The following MTOR variants were observed in gnomAD, a reference collection of about 807,000 sequenced individuals.
MTOR encodes the protein mechanistic target of rapamycin kinase.
In MTOR, 70 loss-of-function variants were observed where a neutral mutation model predicts 319.8. That is an observed-to-expected ratio of 0.22 (90% CI 0.18 to 0.27). MTOR has a LOEUF of 0.27. MTOR is among the 10% of genes least tolerant of loss of function. MTOR has a pLI of 1.00. For synonymous variants in MTOR, 1,183 were observed against 1,211.4 expected, an observed-to-expected ratio of 0.98 and a Z score of 0.49; for missense variants, 1,890 against 3,274.4, an observed-to-expected ratio of 0.58 and a Z score of 10.32.
chr1:11,153,813 A>C (rs1196766871), intron 30 of MTOR, among the ~76,000 whole-genome samples: 2 of 152,092 alleles, frequency 1.3e-5, no homozygotes, highest in African/African-American at 4.8e-5. Flanking sequence ...TCACACCCGT[A>C]ATCCTAGACC....
chr1:11,136,626 G>A (rs1643430965), intron 36 of MTOR, among the ~76,000 whole-genome samples: 1 of 151,936 alleles, frequency 6.6e-6, no homozygotes, highest in African/African-American at 2.4e-5. Context: ...CAGCCTCCCA[G>A]TAGCTGAAAC....
intron 54 of MTOR, among the ~76,000 whole-genome samples, 162 bp downstream of exon 54, chr1:11,112,690 C>T (rs987858247): frequency 6.6e-6 from 1 of 151,972 alleles, no homozygotes; most frequent in Non-Finnish European, 1.5e-5. Context: ...CCACGGGATG[C>T]ACCCACTGAC....
chr1:11,112,016 G>A (rs959663562), intron 54 of MTOR, among the ~76,000 whole-genome samples: 2 of 152,100 alleles, frequency 1.3e-5, no homozygotes, highest in Non-Finnish European at 2.9e-5. Context: ...TCAATGCTGT[G>A]TGTGCTGGAA....
chr1:11,176,590 C>T lies in MTOR; in HGVS notation c.4254-9073G>A, dbSNP rs535081312. On this transcript the variant is annotated intron_variant, in intron 28 of 57. Transcript: ENST00000361445. Reference sequence around the variant, plus strand: ...GTGAGAATTCTCTGAATTCCCCTGGCGCCAGGCTGGTGACACATGCATCAC... The same window carrying T: ...GTGAGAATTCTCTGAATTCCCCTGGTGCCAGGCTGGTGACACATGCATCAC... Among the ~76,000 whole-genome samples the T allele has an allele frequency of 1.8e-4, 27 of 152,212 alleles. No individual in the cohort carries two copies. The South Asian group carries it at 3.7e-3, about 21-fold the overall frequency.
chr1:11,233,074 A>G, intron 15 of MTOR: 3 of 1,079,000 alleles, frequency 2.8e-6, no homozygotes, highest in Non-Finnish European at 4.2e-6. Context: ...ACCAGGTACA[A>G]CTCCAAAAAA....
chr1:11,139,501 C>A (rs373496379), intron 35 of MTOR, 32 bp downstream of exon 35: 3 of 1,614,148 alleles, frequency 1.9e-6, no homozygotes, highest in Admixed American at 1.7e-5. Context: ...TGGGGCCCTA[C>A]CTGCCCATGT....
At chr1:11,260,976 G>C (rs912612297) in intron 1 of MTOR, among the ~76,000 whole-genome samples, 8 of 151,566 alleles carry the variant, frequency 5.3e-5, no homozygotes, top group Non-Finnish European at 1.2e-4. Context: ...GTTTTTAGTA[G>C]AGATGGGGTT....
intron 28 of MTOR, among the ~76,000 whole-genome samples, chr1:11,191,069 C>A (rs144831541): frequency 1.3e-5 from 2 of 152,144 alleles, no homozygotes; most frequent in African/African-American, 4.8e-5. Flanking sequence ...TGAGATGAAA[C>A]CAGACATGCG....
At position 11,199,232 on chromosome 1, in the gene MTOR, G is replaced by A; in HGVS notation, c.4253+26C>T. 6.2e-7 allele frequency: 1 copy of A among 1,614,146 alleles called. No individual in the cohort carries two copies. The highest frequency in any genetic ancestry group is 8.5e-7 in the Non-Finnish European group (1 of 1,179,966). ...AGAGAGGTCATTTTGCATGAAGGCAGCAATTAAAAAGGGTTTATGGCCTAC... is the reference window on the plus strand; with the variant it reads ...AGAGAGGTCATTTTGCATGAAGGCAACAATTAAAAAGGGTTTATGGCCTAC... On this transcript the variant is annotated intron_variant, in intron 28 of 57. Transcript: ENST00000361445. The surrounding 1 kb of genome is among the most constrained non-coding windows in gnomAD (Gnocchi z 4.5).
chr1:11,240,135 A>T (rs1316033766), intron 11 of MTOR, among the ~76,000 whole-genome samples, 168 bp downstream of exon 11: 2 of 152,230 alleles, frequency 1.3e-5, no homozygotes, highest in Admixed American at 1.3e-4. Context: ...AAACAAAAGT[A>T]GGAATTACCA....
chr1:11,259,989 T>C (rs1470173313), intron 1 of MTOR, among the ~76,000 whole-genome samples: 1 of 152,228 alleles, frequency 6.6e-6, no homozygotes, highest in Non-Finnish European at 1.5e-5. Flanking sequence ...AATAGGAAGA[T>C]AATAGTACCT....
intron 9 of MTOR, 39 bp from the exon 10 acceptor site, chr1:11,241,720 A>G: frequency 6.3e-7 from 1 of 1,586,024 alleles, no homozygotes; most frequent in South Asian, 1.1e-5. Flanking sequence ...AGACATAATG[A>G]CATTCTTTAA....
intron 6 of MTOR, among the ~76,000 whole-genome samples, chr1:11,250,939 A>T (rs1557487924): frequency 6.6e-6 from 1 of 151,748 alleles, no homozygotes; most frequent in Non-Finnish European, 1.5e-5. Flanking sequence ...GCTTCTTGCA[A>T]CTCCATAGCT....
intron 29 of MTOR, among the ~76,000 whole-genome samples, chr1:11,159,248 T>G (rs1234076632): frequency 6.6e-6 from 1 of 152,206 alleles, no homozygotes; most frequent in East Asian, 1.9e-4. Context: ...CGCCCTACTT[T>G]CTTCTCTCTG....
intron 19 of MTOR, among the ~76,000 whole-genome samples, chr1:11,228,040 T>G (rs183800261): frequency 1.6e-4 from 24 of 152,218 alleles, no homozygotes; most frequent in African/African-American, 5.8e-4. Context: ...CTGTGTAGTA[T>G]TTTCACTAAA....
rs113405967 is a variant in MTOR, at chr1:11,189,982, C to T, written c.4253+9276G>A. 153 of 1,575,490 alleles carry T rather than the reference C, an allele frequency of 9.7e-5. No individual in the cohort carries two copies. In the African/African-American group the frequency reaches 1.7e-3, roughly 18 times the overall value. ...TAAGGAGACCAGTCCCCTGAGGGAG[C>T]GTGGAGTGCCTCCCCATCTACAGCA... is the stretch of plus-strand genomic sequence containing the variant. On this transcript the variant is annotated intron_variant, in intron 28 of 57. Coordinates refer to ENST00000361445, the MANE Select transcript of MTOR (RefSeq NM_004958.4).
intron 25 of MTOR, among the ~76,000 whole-genome samples, chr1:11,208,396 GCC>G (rs1318855916): frequency 6.6e-6 from 1 of 152,268 alleles, no homozygotes; most frequent in African/African-American, 2.4e-5. Context: ...CTGGGCGTGA[GCC>G]CGTACACATG....
In MTOR at chr1:11,173,353, C is replaced by T. The variant is rs370446918; in HGVS notation, c.4254-5836G>A. On this transcript the variant is annotated intron_variant, in intron 28 of 57. Transcript: ENST00000361445. Reference sequence around the variant, plus strand: ...TTATCCAAGGTGGGGTGCAATGGTGCGATCTCAGGCCACTGCAACCTCCAC... The same window carrying T: ...TTATCCAAGGTGGGGTGCAATGGTGTGATCTCAGGCCACTGCAACCTCCAC... Among the ~76,000 whole-genome samples the T allele has an allele frequency of 1.6e-3, 239 of 152,106 alleles. 2 individuals carry two copies. The South Asian group carries it at 0.016, about 10-fold the overall frequency.
rs375463130 is a variant in MTOR at position 11,247,612 on chromosome 1, T to C, written c.1225+13A>G. ...CTGAGATGGGTAATGATGTCTTCCA[T>C]GGACATCCTCACCTGTGAAGGCAGA... On this transcript the variant is annotated intron_variant, in intron 8 of 57. Coordinates refer to ENST00000361445, the MANE Select transcript of MTOR (RefSeq NM_004958.4). 3.7e-5 allele frequency: 60 copies of C among 1,608,722 alleles called. No homozygotes were observed. The highest frequency in any genetic ancestry group is 3.4e-4 in the Middle Eastern group (2 of 5,922).
Sources: allele counts gnomAD v4.1 joint callset (sites outside exome capture counted in the v4.1 genomes callset), GRCh38; gene constraint gnomAD v4.1.1; non-coding constraint Gnocchi (gnomAD v3.1); transcripts MANE v1.5; gene names NCBI Gene and HGNC (gene_info 2026-07-23, HGNC 2026-07-21).